Variants in PTPRD observed in about 807,000 individuals in gnomAD.
PTPRD encodes receptor-type tyrosine-protein phosphatase delta.
PTPRD carries 34 observed loss-of-function variants against 214.5 expected under a neutral mutation model. That is an observed-to-expected ratio of 0.16 (90% CI 0.12 to 0.21). The LOEUF is 0.21. Among genes scored for constraint, PTPRD ranks in the 10% least tolerant of loss-of-function variants. The pLI is 1.00. For synonymous variants in PTPRD, 1,128 were observed against 845.7 expected (o/e 1.33, Z -5.79); for missense variants, 2,545 against 2,398.7 (o/e 1.06, Z -1.27).
chr9:8,474,424 T>A (rs1387914630), intron 30 of PTPRD, among the ~76,000 whole-genome samples: 1 of 152,146 alleles, frequency 6.6e-6, no homozygotes, highest in African/African-American at 2.4e-5. Context: ...CAATTCTCCC[T>A]TTCCAAAGCC....
chr9:10,583,825 A>C (rs2072956633), intron 2 of PTPRD, among the ~76,000 whole-genome samples: 1 of 152,160 alleles, frequency 6.6e-6, no homozygotes, highest in African/African-American at 2.4e-5. Flanking sequence ...TGCTCTTTGA[A>C]AGGACAGCTG....
At chr9:10,583,127 CTTTGTTCTTTTGCTGTTTATCT>C (rs1322711020) in intron 2 of PTPRD, among the ~76,000 whole-genome samples, 1 of 152,104 alleles carries the variant, frequency 6.6e-6, no homozygotes, top group Non-Finnish European at 1.5e-5. Context: ...CAGTTAGAAC[CTTTGTTCTTTTGCTGTTTATCT>C]ATCTGTTTGT....
chr9:9,899,809 T>C (rs2075956656), intron 5 of PTPRD, among the ~76,000 whole-genome samples: 1 of 151,952 alleles, frequency 6.6e-6, no homozygotes, highest in Non-Finnish European at 1.5e-5. Flanking sequence ...TAAGTGTCCA[T>C]CAAGAAACAG....
At chr9:10,590,505 C>A (rs1300969286) in intron 2 of PTPRD, among the ~76,000 whole-genome samples, 1 of 152,010 alleles carries the variant, frequency 6.6e-6, no homozygotes, top group Non-Finnish European at 1.5e-5. Context: ...CTACTGATCT[C>A]ATTTCTAACA....
At chr9:9,619,783 ATATC>A (rs1360190982) in intron 7 of PTPRD, among the ~76,000 whole-genome samples, 2 of 146,694 alleles carry the variant, frequency 1.4e-5, no homozygotes, top group African/African-American at 2.5e-5. Context: ...GTATATACAA[ATATC>A]TATCTATATA....
intron 37 of PTPRD, among the ~76,000 whole-genome samples, chr9:8,380,259 C>T (rs2084594634): frequency 6.6e-6 from 1 of 152,126 alleles, no homozygotes; most frequent in Non-Finnish European, 1.5e-5. Context: ...AATCCATTAG[C>T]CTTACTGACT....
intron 12 of PTPRD, among the ~76,000 whole-genome samples, chr9:8,712,844 G>A (rs1250213585): frequency 4.6e-5 from 7 of 151,910 alleles, no homozygotes; most frequent in Non-Finnish European, 1.0e-4. Context: ...TCAGCCTCCC[G>A]AGTAGCTGGG....
chr9:8,404,394 G>A (rs954719808), intron 36 of PTPRD, 143 bp downstream of exon 36: 6 of 1,121,710 alleles, frequency 5.3e-6, no homozygotes, highest in African/African-American at 3.2e-5. Flanking sequence ...CTCCCAAAGT[G>A]CTGGGATTAC....
chr9:9,609,384 C>CA (rs559373263), intron 7 of PTPRD, among the ~76,000 whole-genome samples: 24 of 151,930 alleles, frequency 1.6e-4, no homozygotes, highest in East Asian at 3.9e-4. Flanking sequence ...AAAAACAAAA[C>CA]AAAAAAACAG....
intron 2 of PTPRD, among the ~76,000 whole-genome samples, chr9:10,395,077 C>T (rs763431130): frequency 1.3e-5 from 2 of 150,778 alleles, no homozygotes; most frequent in Admixed American, 6.7e-5. Flanking sequence ...CTTAGTGAAC[C>T]TCTATTTCTG....
At chr9:8,621,425 T>C (rs1218211483) in intron 14 of PTPRD, among the ~76,000 whole-genome samples, 2 of 152,024 alleles carry the variant, frequency 1.3e-5, no homozygotes, top group African/African-American at 2.4e-5. Context: ...ATCACAATCA[T>C]ATCTTAAAAA....
intron 7 of PTPRD, among the ~76,000 whole-genome samples, chr9:9,621,262 C>T (rs1282840314): frequency 6.6e-6 from 1 of 152,154 alleles, no homozygotes; most frequent in Non-Finnish European, 1.5e-5. Context: ...ATTAGAACAT[C>T]TCATCTATTT....
intron 7 of PTPRD, among the ~76,000 whole-genome samples, chr9:9,635,877 C>T (rs1175369145): frequency 6.6e-6 from 1 of 152,160 alleles, no homozygotes; most frequent in East Asian, 1.9e-4. Flanking sequence ...AAAGTATCAC[C>T]ATCCTTCACC....
chr9:8,330,779 T>G (rs937319905), intron 44 of PTPRD, among the ~76,000 whole-genome samples: 1 of 152,292 alleles, frequency 6.6e-6, no homozygotes, highest in African/African-American at 2.4e-5. Flanking sequence ...CTGCCTTCTA[T>G]GTCGTAAAGA....
At chr9:10,139,673 G>A (rs560967481) in intron 3 of PTPRD, among the ~76,000 whole-genome samples, 1 of 151,946 alleles carries the variant, frequency 6.6e-6, no homozygotes, top group African/African-American at 2.4e-5. Context: ...CCATCACAAG[G>A]CTAGGACAAA....
At chr9:8,807,670 A>G (rs553352906) in intron 11 of PTPRD, among the ~76,000 whole-genome samples, 12 of 151,090 alleles carry the variant, frequency 7.9e-5, no homozygotes, top group Non-Finnish European at 1.5e-4. Flanking sequence ...TATCTTAATC[A>G]TCACCCTTTT....
chr9:9,906,759 G>GT (rs1304627542), intron 5 of PTPRD, among the ~76,000 whole-genome samples: 4 of 151,916 alleles, frequency 2.6e-5, no homozygotes, highest in Admixed American at 2.6e-4. Flanking sequence ...TTTCAAAAGT[G>GT]TATGTACATG....
chr9:9,590,800 CTTTG>C (rs1463988480), intron 7 of PTPRD, among the ~76,000 whole-genome samples: 1 of 151,980 alleles, frequency 6.6e-6, no homozygotes, highest in Non-Finnish European at 1.5e-5. Flanking sequence ...TACTGTTTAT[CTTTG>C]TTTGCTTAAT....
intron 5 of PTPRD, among the ~76,000 whole-genome samples, chr9:9,789,048 G>C (rs1197523976): frequency 6.6e-6 from 1 of 152,112 alleles, no homozygotes; most frequent in African/African-American, 2.4e-5. Flanking sequence ...CATTATACAT[G>C]TTTAAATATT....
Sources: gnomAD v4.1 joint callset for allele counts (sites outside exome capture counted in the v4.1 genomes callset) on GRCh38, gnomAD v4.1.1 for gene constraint, MANE v1.5 for transcripts, NCBI Gene and HGNC (gene_info 2026-07-23, HGNC 2026-07-21) for gene names.